The following ERBB4 variants were observed in gnomAD, a reference collection of about 807,000 sequenced individuals.
ERBB4 encodes receptor tyrosine-protein kinase erbB-4.
A neutral mutation model predicts 158.0 loss-of-function variants in ERBB4; 42 were observed. The observed-to-expected ratio is 0.27, with a 90% confidence interval of 0.21 to 0.34. The LOEUF (loss-of-function observed/expected upper bound fraction) is 0.34. ERBB4 is among the 10% of genes least tolerant of loss of function. The pLI is 1.00. For synonymous variants in ERBB4, 583 were observed against 558.7 expected (o/e 1.04, Z -0.61); for missense variants, 1,333 against 1,624.1 (o/e 0.82, Z 3.08).
intron 1 of ERBB4, among the ~76,000 whole-genome samples, chr2:212,438,926 G>A (rs547373370): frequency 4.6e-5 from 7 of 152,192 alleles, no homozygotes; most frequent in Non-Finnish European, 1.0e-4. Context: ...ACAGATTTAT[G>A]TATTTATGTG....
intron 25 of ERBB4, among the ~76,000 whole-genome samples, chr2:211,398,060 T>A (rs1308917183): frequency 1.3e-5 from 2 of 152,082 alleles, no homozygotes; most frequent in Non-Finnish European, 2.9e-5. Context: ...ATTTCAAACA[T>A]CACATTTCTT....
chr2:212,474,819 A>ATTTTTTTTTTTTTT (rs1295029698), intron 1 of ERBB4, among the ~76,000 whole-genome samples: 14 of 72,186 alleles, frequency 1.9e-4, no homozygotes, highest in African/African-American at 3.8e-4. Flanking sequence ...ACACCCGGCC[A>ATTTTTTTTTTTTTT]TTCTTTTTTT....
At chr2:212,464,377 T>A (rs1410937898) in intron 1 of ERBB4, among the ~76,000 whole-genome samples, 3 of 152,102 alleles carry the variant, frequency 2.0e-5, no homozygotes, top group African/African-American at 7.2e-5. Flanking sequence ...TCCATTCCGG[T>A]AGAATCATTT....
chr2:211,944,586 C>G (rs968368542), intron 3 of ERBB4, among the ~76,000 whole-genome samples: 1 of 152,028 alleles, frequency 6.6e-6, no homozygotes. Context: ...CCTTTCCCAT[C>G]CCTTCCTTTC....
chr2:211,958,213 A>G (rs1229646878), intron 2 of ERBB4, among the ~76,000 whole-genome samples: 1 of 152,148 alleles, frequency 6.6e-6, no homozygotes, highest in South Asian at 2.1e-4. Flanking sequence ...CATCTCCTCT[A>G]GTGACAACAA....
chr2:212,367,980 G>T (rs1353516570), intron 1 of ERBB4, among the ~76,000 whole-genome samples: 1 of 152,084 alleles, frequency 6.6e-6, no homozygotes, highest in Non-Finnish European at 1.5e-5. Context: ...CTACACTGCT[G>T]CTGGAAATGT....
At chr2:211,452,137 ATTT>A (rs2064261546) in intron 20 of ERBB4, among the ~76,000 whole-genome samples, 1 of 152,184 alleles carries the variant, frequency 6.6e-6, no homozygotes, top group African/African-American at 2.4e-5. Context: ...CTGCTTAAGA[ATTT>A]TTGATTTCTG....
At chr2:211,868,888 C>G (rs2078273914) in intron 3 of ERBB4, among the ~76,000 whole-genome samples, 1 of 152,102 alleles carries the variant, frequency 6.6e-6, no homozygotes, top group Non-Finnish European at 1.5e-5. Context: ...ATGTCTAAGT[C>G]CCAATTTTCC....
At chr2:211,761,023 C>T (rs988442181) in intron 4 of ERBB4, among the ~76,000 whole-genome samples, 7 of 151,710 alleles carry the variant, frequency 4.6e-5, no homozygotes, top group Non-Finnish European at 5.9e-5. Flanking sequence ...AGTGAAACCC[C>T]GTCTCTACTA....
At chr2:212,132,216 T>G (rs2080126427) in intron 1 of ERBB4, among the ~76,000 whole-genome samples, 1 of 152,238 alleles carries the variant, frequency 6.6e-6, no homozygotes, top group East Asian at 1.9e-4. Context: ...ATAATAGTTG[T>G]ACCATGTTAG....
intron 25 of ERBB4, among the ~76,000 whole-genome samples, chr2:211,392,406 G>A (rs1274766629): frequency 2.0e-5 from 3 of 152,052 alleles, no homozygotes; most frequent in Non-Finnish European, 4.4e-5. Context: ...GCTGGGAAAA[G>A]CCTACTGAGA....
At chr2:212,172,785 G>T in intron 1 of ERBB4, among the ~76,000 whole-genome samples, 1 of 152,002 alleles carries the variant, frequency 6.6e-6, no homozygotes, top group Middle Eastern at 3.2e-3. Context: ...CTTGTGGGAG[G>T]GTTTTGGTGG....
chr2:212,100,370 C>T (rs1181760500), intron 2 of ERBB4, among the ~76,000 whole-genome samples: 1 of 152,152 alleles, frequency 6.6e-6, no homozygotes, highest in African/African-American at 2.4e-5. Flanking sequence ...TATTTGAAGC[C>T]AAATTGTTCT....
chr2:211,635,259 C>A (rs1180791136), intron 16 of ERBB4, among the ~76,000 whole-genome samples: 4 of 152,146 alleles, frequency 2.6e-5, no homozygotes, highest in Non-Finnish European at 4.4e-5. Flanking sequence ...AACTGATATC[C>A]TCCCACTACT....
At chr2:212,225,372 T>C (rs1051100580) in intron 1 of ERBB4, among the ~76,000 whole-genome samples, 1 of 152,076 alleles carries the variant, frequency 6.6e-6, no homozygotes, top group South Asian at 2.1e-4. Context: ...AATTTCTTCA[T>C]TGCTACCATT....
intron 2 of ERBB4, among the ~76,000 whole-genome samples, chr2:212,030,442 G>C (rs2076876948): frequency 6.6e-6 from 1 of 152,078 alleles, no homozygotes; most frequent in East Asian, 1.9e-4. Flanking sequence ...TAAGCAATTA[G>C]ATAAAATCCA....
intron 1 of ERBB4, among the ~76,000 whole-genome samples, chr2:212,316,351 T>C (rs2087278681): frequency 6.6e-6 from 1 of 151,452 alleles, no homozygotes; most frequent in African/African-American, 2.4e-5. Flanking sequence ...GAGGTGGGAA[T>C]CACTTGACAA....
At chr2:212,216,518 A>T (rs867429276) in intron 1 of ERBB4, among the ~76,000 whole-genome samples, 9 of 151,402 alleles carry the variant, frequency 5.9e-5, no homozygotes, top group Non-Finnish European at 1.2e-4. Flanking sequence ...TCAAAAATCA[A>T]TTAATGTAAC....
chr2:212,109,312 C>T (rs936848035), intron 2 of ERBB4, among the ~76,000 whole-genome samples: 1 of 152,132 alleles, frequency 6.6e-6, no homozygotes, highest in African/African-American at 2.4e-5. Context: ...TTAGCAAAAC[C>T]TTTATTTTAA....
Sources: allele counts gnomAD v4.1 joint callset (sites outside exome capture counted in the v4.1 genomes callset), GRCh38; gene constraint gnomAD v4.1.1; transcripts MANE v1.5; gene names NCBI Gene and HGNC (gene_info 2026-07-23, HGNC 2026-07-21).